The following CD8B variants were observed in gnomAD, a reference collection of about 807,000 sequenced individuals.
CD8B encodes the protein T-cell surface glycoprotein CD8 beta chain.
Under a neutral mutation model 24.2 loss-of-function variants are expected in CD8B, and 6 were observed. The observed-to-expected ratio is 0.25, with a 90% CI of 0.14 to 0.49. The LOEUF is 0.49. Among genes scored for constraint, CD8B ranks in the 20% least tolerant of loss-of-function variants. The probability of loss-of-function intolerance (pLI) is 0.98; values close to 1 mark genes in which losing one functional copy is unlikely to be tolerated. For synonymous variants in CD8B, 84 were observed against 108.3 expected (o/e 0.78, Z 1.39); for missense variants, 196 against 271.3 (o/e 0.72, Z 1.95).
intron 5 of CD8B, among the ~76,000 whole-genome samples, chr2:86,831,617 T>G (rs1409127984): frequency 6.6e-6 from 1 of 152,184 alleles, no homozygotes; most frequent in Non-Finnish European, 1.5e-5. Context: ...AATTTTTCCC[T>G]CTGCTGGGAC....
intron 5 of CD8B, among the ~76,000 whole-genome samples, chr2:86,820,601 T>C (rs1674427037): frequency 6.6e-6 from 1 of 152,228 alleles, no homozygotes; most frequent in African/African-American, 2.4e-5. Context: ...AACATAACTT[T>C]TATGTACACT....
intron 5 of CD8B, among the ~76,000 whole-genome samples, chr2:86,827,694 T>C (rs1333123990): frequency 6.6e-6 from 1 of 152,132 alleles, no homozygotes; most frequent in East Asian, 1.9e-4. Context: ...ACGTTTTATT[T>C]TGGAAGCTGA....
At chr2:86,817,365 T>C (rs1245043013) in intron 5 of CD8B, among the ~76,000 whole-genome samples, 3 of 151,992 alleles carry the variant, frequency 2.0e-5, no homozygotes, top group Admixed American at 6.6e-5. Flanking sequence ...ACAACAGAAA[T>C]TGGAAAATTG....
At chr2:86,820,311 T>C (rs1024991370) in intron 5 of CD8B, among the ~76,000 whole-genome samples, 2 of 152,216 alleles carry the variant, frequency 1.3e-5, no homozygotes, top group African/African-American at 4.8e-5. Context: ...TACAGATAAA[T>C]CTTTTGTGAA....
At chr2:86,855,868 A>G (rs550228326) in intron 2 of CD8B, among the ~76,000 whole-genome samples, 1 of 152,328 alleles carries the variant, frequency 6.6e-6, no homozygotes, top group Admixed American at 6.5e-5. Flanking sequence ...GTCTAGTGGG[A>G]GACTCAGGTT....
intron 5 of CD8B, among the ~76,000 whole-genome samples, chr2:86,821,913 G>A (rs1043980776): frequency 9.9e-5 from 15 of 152,120 alleles, no homozygotes; most frequent in Non-Finnish European, 1.6e-4. Flanking sequence ...TTCGAGGCCC[G>A]CTCTTCTCTG....
downstream of CD8B, chr2:86,815,532 G>T: frequency 1.1e-6 from 1 of 910,114 alleles, no homozygotes; most frequent in Non-Finnish European, 1.8e-6. Flanking sequence ...TGGGTGTGTG[G>T]GAGGATCCCT....
At chr2:86,853,131 AC>A in intron 2 of CD8B, 45 bp from the exon 3 acceptor site, 1 of 1,548,420 alleles carries the variant, frequency 6.5e-7, no homozygotes, top group Non-Finnish European at 8.7e-7. Flanking sequence ...AGTGAACACC[AC>A]GTGGACTCAA....
In CD8B at chr2:86,841,995, G is replaced by T; in HGVS notation, c.*312C>A. ...TGGTGGCTAAATGGCCACCACTAAA[G>T]GTCCCAGTTCAGGGAAAGCACAGGA... On this transcript the variant is annotated 3_prime_UTR_variant, in exon 6 of 6. Coordinates refer to ENST00000390655, the MANE Select transcript of CD8B (RefSeq NM_004931.5). 6 of 1,128,298 alleles carry T rather than the reference G, an allele frequency of 5.3e-6. No individual in the cohort carries two copies. Among genetic ancestry groups the T allele is most frequent in the Non-Finnish European group, 6.5e-6 (6 of 921,506 alleles). 69.9% of individuals were successfully genotyped at this position (1,128,298 alleles called of 1,614,324 possible). A position where few individuals can be genotyped will look rare whatever the true frequency, so the allele number is the denominator to read the frequency against.
intron 2 of CD8B, among the ~76,000 whole-genome samples, chr2:86,855,618 T>A (rs1676195689): frequency 6.6e-6 from 1 of 152,210 alleles, no homozygotes; most frequent in Non-Finnish European, 1.5e-5. Context: ...TGGGTCATCA[T>A]AGTGCTGAGG....
Position 86,838,789 on chromosome 2 carries a change from G to C in CD8B, c.*3518C>G, listed in dbSNP as rs1455914591. The stretch of plus-strand genomic sequence containing the variant: ...AGTACTGGGATTACAGGCGTGAGCT[G>C]TAATCCCATGTGCTTGCTGAAGAAA... On this transcript the variant is annotated 3_prime_UTR_variant, in exon 6 of 6. Transcript: ENST00000390655. Among the ~76,000 whole-genome samples, 1 of 152,204 alleles carries C rather than the reference G, an allele frequency of 6.6e-6. No individual in the cohort carries two copies. Among genetic ancestry groups the C allele is most frequent in the African/African-American group, 2.4e-5 (1 of 41,446 alleles).
chr2:86,834,488 A>ACACACACACACACACACAC (rs199775749), downstream of CD8B, among the ~76,000 whole-genome samples: 2 of 142,212 alleles, frequency 1.4e-5, no homozygotes, highest in Non-Finnish European at 3.1e-5. Flanking sequence ...ACACACACAC[A>ACACACACACACACACACAC]AAAGTCTTAA....
At chr2:86,818,769 C>T (rs1028586553) in intron 5 of CD8B, among the ~76,000 whole-genome samples, 5 of 152,092 alleles carry the variant, frequency 3.3e-5, no homozygotes, top group East Asian at 1.9e-4. Context: ...GGAAGAATTG[C>T]GCATCTCTCA....
At chr2:86,848,964 G>A (rs1462974434) in intron 3 of CD8B, among the ~76,000 whole-genome samples, 1 of 151,944 alleles carries the variant, frequency 6.6e-6, no homozygotes, top group Non-Finnish European at 1.5e-5. Flanking sequence ...TGATCCACCT[G>A]CCTTGGCCTC....
At chr2:86,822,799 T>G (rs1674529729) in intron 5 of CD8B, among the ~76,000 whole-genome samples, 1 of 152,206 alleles carries the variant, frequency 6.6e-6, no homozygotes, top group Admixed American at 6.5e-5. Context: ...GGGATGGCCT[T>G]CAGCACTGGA....
intron 5 of CD8B, among the ~76,000 whole-genome samples, chr2:86,822,800 C>T (rs116532228): frequency 6.2e-4 from 95 of 152,266 alleles, no homozygotes; most frequent in African/African-American, 2.2e-3. Context: ...GGATGGCCTT[C>T]AGCACTGGAC....
downstream of CD8B, among the ~76,000 whole-genome samples, chr2:86,836,920 C>T (rs577585373): frequency 7.9e-4 from 120 of 152,132 alleles, no homozygotes; most frequent in Admixed American, 1.8e-3. Context: ...CTTTGGGAGG[C>T]CGAGATGGAT....
chr2:86,850,208 A>G (rs1675908040), intron 3 of CD8B, among the ~76,000 whole-genome samples: 1 of 152,130 alleles, frequency 6.6e-6, no homozygotes, highest in South Asian at 2.1e-4. Context: ...GTGCTTGGGT[A>G]AGGGGCCATT....
At chr2:86,856,252 G>C (rs1676242613) in intron 2 of CD8B, among the ~76,000 whole-genome samples, 1 of 152,172 alleles carries the variant, frequency 6.6e-6, no homozygotes, top group Non-Finnish European at 1.5e-5. Flanking sequence ...GGTTGGGATG[G>C]AGGCGGTGGG....
Sources: gnomAD v4.1 joint callset for allele counts (sites outside exome capture counted in the v4.1 genomes callset) on GRCh38, gnomAD v4.1.1 for gene constraint, MANE v1.5 for transcripts, NCBI Gene and HGNC (gene_info 2026-07-23, HGNC 2026-07-21) for gene names.